The following LYZL1 variants were observed in gnomAD, a reference collection of about 807,000 sequenced individuals.
The protein encoded by LYZL1 is lysozyme-like protein 1.
Under a neutral mutation model 17.9 loss-of-function variants are expected in LYZL1, and 16 were observed. That is an observed-to-expected ratio of 0.90 (90% confidence interval 0.61 to 1.36). The LOEUF (loss-of-function observed/expected upper bound fraction) is 1.36. Among genes scored for constraint, LYZL1 ranks in the 40% most tolerant of loss-of-function variants. The pLI, the probability that LYZL1 is intolerant of heterozygous loss-of-function variation, is 0.00. For synonymous variants in LYZL1, 58 were observed against 71.8 expected, an observed-to-expected ratio of 0.81 and a Z score of 0.97; for missense variants, 149 against 188.4, an observed-to-expected ratio of 0.79 and a Z score of 1.22.
chr10:29,299,028 G>T (rs1835482337), intron 3 of LYZL1, among the ~76,000 whole-genome samples: 1 of 152,218 alleles, frequency 6.6e-6, no homozygotes, highest in African/African-American at 2.4e-5. Context: ...GGGGATGATG[G>T]AAGACAGCGG....
chr10:29,302,734 G>A (rs746423095), intron 3 of LYZL1, among the ~76,000 whole-genome samples: 2 of 152,140 alleles, frequency 1.3e-5, no homozygotes, highest in Non-Finnish European at 2.9e-5. Context: ...GAGGCTCATC[G>A]TGTTGACTGG....
intron 3 of LYZL1, among the ~76,000 whole-genome samples, chr10:29,295,330 T>C (rs548515428): frequency 1.3e-5 from 2 of 152,380 alleles, no homozygotes; most frequent in African/African-American, 4.8e-5. Context: ...TTATTAACTG[T>C]ATGCAAATGA....
chr10:29,304,129 C>A (rs1564392382), intron 3 of LYZL1, among the ~76,000 whole-genome samples: 1 of 152,148 alleles, frequency 6.6e-6, no homozygotes, highest in Non-Finnish European at 1.5e-5. Context: ...AAATGCCTTC[C>A]TACTTTCCCT....
chr10:29,313,283 G>A (rs1835694101), downstream of LYZL1, among the ~76,000 whole-genome samples: 3 of 152,196 alleles, frequency 2.0e-5, no homozygotes, highest in Non-Finnish European at 4.4e-5. Context: ...CCATTAAGCT[G>A]CACTAAATCA....
intron 3 of LYZL1, among the ~76,000 whole-genome samples, chr10:29,306,127 CT>C (rs1301032836): frequency 3.3e-5 from 5 of 152,066 alleles, no homozygotes; most frequent in Non-Finnish European, 5.9e-5. Flanking sequence ...TAATGACTGT[CT>C]TTTTTTTCTA....
intron 3 of LYZL1, among the ~76,000 whole-genome samples, chr10:29,300,709 T>G (rs1835505998): frequency 6.6e-6 from 1 of 152,242 alleles, no homozygotes; most frequent in African/African-American, 2.4e-5. Flanking sequence ...ACTAGAGGTC[T>G]ACTGGCAAGC....
rs556564488 is a variant in LYZL1, at chr10:29,292,512, C to A, written c.140-7C>A. On this transcript the variant is annotated splice_region_variant and splice_polypyrimidine_tract_variant and intron_variant, in intron 2 of 4. Transcript: ENST00000649382. ...TTTGCTGGCGTTTCTGGCTTTCCCC[C>A]CTCCAGGGATCTGCATGGCATATTA... The A allele has an allele frequency of 5.0e-6, 8 of 1,611,540 alleles. No homozygotes were observed. The highest frequency in any genetic ancestry group is 4.4e-5 in the South Asian group (4 of 90,520).
chr10:29,312,140 A>AT (rs903426939), downstream of LYZL1, among the ~76,000 whole-genome samples: 9 of 152,078 alleles, frequency 5.9e-5, no homozygotes, highest in Middle Eastern at 3.4e-3. Context: ...TCTCTACAGC[A>AT]TTTTTTTTGT....
chr10:29,307,210 G>A (rs1418934351), intron 3 of LYZL1, among the ~76,000 whole-genome samples: 1 of 152,124 alleles, frequency 6.6e-6, no homozygotes, highest in Non-Finnish European at 1.5e-5. Context: ...TCACCATATT[G>A]TACATTAGAT....
At chr10:29,308,992 A>G (rs989629203) in intron 3 of LYZL1, among the ~76,000 whole-genome samples, 1 of 151,782 alleles carries the variant, frequency 6.6e-6, no homozygotes, top group African/African-American at 2.4e-5. Context: ...ATAAAGATAG[A>G]GATAGACGTA....
At position 29,310,197 on chromosome 10, in the gene LYZL1, G is replaced by A. The variant is rs1353536333; in HGVS notation, c.377+9G>A. 1 of 1,590,070 alleles carries A rather than the reference G, an allele frequency of 6.3e-7. No homozygotes were observed. ...CAAGGAATGAACTATTGGTAAGAGT[G>A]TTTTCTTGGGAGACTTGTGCTGTCA... On this transcript the variant is annotated intron_variant, in intron 4 of 4. Coordinates refer to ENST00000649382, the MANE Select transcript of LYZL1 (RefSeq NM_032517.6).
chr10:29,310,624 G>A (rs1483047180), intron 4 of LYZL1, among the ~76,000 whole-genome samples: 7 of 152,144 alleles, frequency 4.6e-5, no homozygotes, highest in Admixed American at 2.0e-4. Context: ...GTGTCATGGC[G>A]ACTCAGCAGA....
downstream of LYZL1, among the ~76,000 whole-genome samples, chr10:29,315,326 A>G (rs1218314968): frequency 1.3e-5 from 2 of 152,096 alleles, no homozygotes; most frequent in Admixed American, 6.5e-5. Flanking sequence ...CCTGCCCAAC[A>G]TGGTGAAACC....
intron 3 of LYZL1, among the ~76,000 whole-genome samples, chr10:29,306,202 CATG>C (rs72321437): frequency 0.043 from 6,399 of 150,146 alleles, 157 homozygotes; most frequent in Middle Eastern, 0.11. Flanking sequence ...TGCTGTCAAA[CATG>C]AGAACCACTA....
intron 3 of LYZL1, among the ~76,000 whole-genome samples, chr10:29,304,062 G>A (rs946550639): frequency 9.9e-5 from 15 of 152,130 alleles, no homozygotes; most frequent in African/African-American, 1.9e-4. Context: ...CACCTAGCCC[G>A]TGACCATTTT....
At chr10:29,293,235 T>C (rs1327565) in intron 3 of LYZL1, among the ~76,000 whole-genome samples, 129,578 of 149,468 alleles carry the variant, frequency 0.87, 56,228 homozygotes, top group Admixed American at 0.91. Context: ...AGGCCCCAAG[T>C]GATCCTCCCT....
At chr10:29,314,851 G>A (rs1835710781), downstream of LYZL1, among the ~76,000 whole-genome samples, 1 of 152,190 alleles carries the variant, frequency 6.6e-6, no homozygotes, top group African/African-American at 2.4e-5. Context: ...AGGGGCCACA[G>A]CGCAATGGCA....
chr10:29,306,065 G>A (rs567500905), intron 3 of LYZL1, among the ~76,000 whole-genome samples: 5 of 152,310 alleles, frequency 3.3e-5, no homozygotes, highest in Non-Finnish European at 7.3e-5. Flanking sequence ...AGACTTAAGA[G>A]CATTGGTGAT....
At chr10:29,296,339 A>G (rs1272918458) in intron 3 of LYZL1, among the ~76,000 whole-genome samples, 1 of 152,216 alleles carries the variant, frequency 6.6e-6, no homozygotes, top group African/African-American at 2.4e-5. Context: ...AGAAGCAAAC[A>G]CAGAACCAAC....
Sources: gnomAD v4.1 joint callset for allele counts (sites outside exome capture counted in the v4.1 genomes callset) on GRCh38, gnomAD v4.1.1 for gene constraint, MANE v1.5 for transcripts, NCBI Gene and HGNC (gene_info 2026-07-23, HGNC 2026-07-21) for gene names.